Variants in TACR3 observed in about 807,000 individuals in gnomAD.
The protein encoded by TACR3 is tachykinin receptor 3, also known as neuromedin-K receptor.
A neutral mutation model predicts 35.0 loss-of-function variants in TACR3; 34 were observed. The ratio of observed to expected loss-of-function variants is 0.97; its 90% CI spans 0.74 to 1.30. The LOEUF is 1.30. Ranked by LOEUF, TACR3 falls within the 50% of genes most tolerant of loss-of-function variation. The pLI is 0.00. For missense variants in TACR3, 558 were observed against 591.7 expected (o/e 0.94, Z 0.59); for synonymous variants, 233 against 221.1 (o/e 1.05, Z -0.48).
At chr4:103,708,130 G>C (rs972997886) in intron 1 of TACR3, among the ~76,000 whole-genome samples, 2 of 152,238 alleles carry the variant, frequency 1.3e-5, no homozygotes, top group South Asian at 2.1e-4. Context: ...AAATGTCCCT[G>C]TCTGACAGCT....
intron 1 of TACR3, among the ~76,000 whole-genome samples, chr4:103,713,638 A>G (rs1267756033): frequency 6.6e-6 from 1 of 151,902 alleles, no homozygotes; most frequent in African/African-American, 2.4e-5. Context: ...AATAATAAGG[A>G]AAAAAAAGAC....
At chr4:103,666,407 A>C (rs917497964) in intron 1 of TACR3, among the ~76,000 whole-genome samples, 1 of 152,178 alleles carries the variant, frequency 6.6e-6, no homozygotes, top group African/African-American at 2.4e-5. Flanking sequence ...TACAGCATAC[A>C]GGACAGGGAA....
chr4:103,656,182 A>T lies in TACR3; in HGVS notation c.888+12T>A. Reference sequence around the variant, plus strand: ...CCTATACAAATGCTAGGTAAACAACATGGACCAGTACCTTTCTTTTGGCCT... The same window carrying T: ...CCTATACAAATGCTAGGTAAACAACTTGGACCAGTACCTTTCTTTTGGCCT... On this transcript the variant is annotated intron_variant, in intron 3 of 4. Transcript: ENST00000304883. 1 of 1,612,626 alleles carries T rather than the reference A, an allele frequency of 6.2e-7. No individual in the cohort carries two copies. The highest frequency in any genetic ancestry group is 8.5e-7 in the Non-Finnish European group (1 of 1,178,984).
chr4:103,606,022 C>T (rs1724353141), intron 3 of TACR3, among the ~76,000 whole-genome samples: 3 of 151,786 alleles, frequency 2.0e-5, no homozygotes, highest in African/African-American at 7.3e-5. Flanking sequence ...GGAAGGGATC[C>T]AGTTTCAGCT....
At chr4:103,699,927 G>T (rs1200373511) in intron 1 of TACR3, among the ~76,000 whole-genome samples, 10 of 152,172 alleles carry the variant, frequency 6.6e-5, no homozygotes, top group African/African-American at 2.2e-4. Context: ...ACTGACAAGG[G>T]TTTTAAACTA....
chr4:103,637,553 A>G (rs1223696855), intron 3 of TACR3, among the ~76,000 whole-genome samples: 1 of 151,942 alleles, frequency 6.6e-6, no homozygotes, highest in Non-Finnish European at 1.5e-5. Context: ...CTCTCTCACC[A>G]CTCCTATTCA....
chr4:103,706,394 G>A (rs79901121), intron 1 of TACR3, among the ~76,000 whole-genome samples: 17,722 of 152,060 alleles, frequency 0.12, 1,345 homozygotes, highest in East Asian at 0.37. Flanking sequence ...AATAAAACAA[G>A]TCTGTATATC....
intron 1 of TACR3, among the ~76,000 whole-genome samples, chr4:103,685,638 A>G (rs1377660643): frequency 1.3e-5 from 2 of 152,180 alleles, no homozygotes; most frequent in African/African-American, 2.4e-5. Flanking sequence ...CAGAATATAT[A>G]AAGAACTTTA....
At chr4:103,683,830 AAGAGAGAGAAGG>A (rs1219932649) in intron 1 of TACR3, among the ~76,000 whole-genome samples, 1 of 127,676 alleles carries the variant, frequency 7.8e-6, no homozygotes. Flanking sequence ...GAGATGGGAG[AAGAGAGAGAAGG>A]AGAGAGAGAG....
At chr4:103,666,674 A>G (rs1578249421) in intron 1 of TACR3, among the ~76,000 whole-genome samples, 1 of 152,174 alleles carries the variant, frequency 6.6e-6, no homozygotes, top group Non-Finnish European at 1.5e-5. Context: ...ACATGAAACA[A>G]TGCCTACTCA....
intron 1 of TACR3, among the ~76,000 whole-genome samples, chr4:103,712,841 A>G (rs1723002165): frequency 6.6e-6 from 1 of 152,258 alleles, no homozygotes; most frequent in Non-Finnish European, 1.5e-5. Context: ...TCTCAAAAGA[A>G]GACATTTATG....
At chr4:103,685,666 T>C (rs1211342472) in intron 1 of TACR3, among the ~76,000 whole-genome samples, 1 of 152,050 alleles carries the variant, frequency 6.6e-6, no homozygotes, top group East Asian at 1.9e-4. Context: ...CACAATAGAG[T>C]ATACTCTCAG....
rs977997794 is a variant in TACR3 at position 103,661,984 on chromosome 4, C to A, written c.549-3581G>T. Among the ~76,000 whole-genome samples, 7 of 152,122 alleles carry A rather than the reference C, an allele frequency of 4.6e-5. 1 individual carries two copies. The East Asian group carries it at 1.3e-3, about 29-fold the overall frequency. On this transcript the variant is annotated intron_variant, in intron 1 of 4. Transcript: ENST00000304883. ...ATTTGTGAAGCAGACAAATACTAAT[C>A]AAATAATCTCACCAATAAATGTAAA...
chr4:103,678,094 T>G (rs921274600), intron 1 of TACR3, among the ~76,000 whole-genome samples: 2 of 152,072 alleles, frequency 1.3e-5, no homozygotes, highest in Admixed American at 6.6e-5. Context: ...TGGAGAGTAA[T>G]GAGATCTTCT....
At chr4:103,610,085 G>T (rs1447461641) in intron 3 of TACR3, among the ~76,000 whole-genome samples, 1 of 152,066 alleles carries the variant, frequency 6.6e-6, no homozygotes, top group African/African-American at 2.4e-5. Context: ...ATATAGGAGT[G>T]CAGGTATCTC....
intron 1 of TACR3, among the ~76,000 whole-genome samples, chr4:103,678,703 C>T (rs1184971557): frequency 6.6e-6 from 1 of 151,210 alleles, no homozygotes; most frequent in Non-Finnish European, 1.5e-5. Flanking sequence ...AAAGATAAAA[C>T]AGATTAAGTG....
chr4:103,704,215 T>C (rs1722733802), intron 1 of TACR3, among the ~76,000 whole-genome samples: 1 of 149,496 alleles, frequency 6.7e-6, no homozygotes, highest in South Asian at 2.1e-4. Context: ...TAGAATACAA[T>C]AGGCTTCACA....
Position 103,589,456 on chromosome 4 carries a change from T to A in TACR3, c.*226A>T, listed in dbSNP as rs1723842289. On this transcript the variant is annotated 3_prime_UTR_variant, in exon 5 of 5. Transcript: ENST00000304883. ...GTTCATTGCATATAATAATTTAGAGTTTTCAAAGAATAAATTTAAAGCCCA... is the reference window on the plus strand; with the variant it reads ...GTTCATTGCATATAATAATTTAGAGATTTCAAAGAATAAATTTAAAGCCCA... The A allele has an allele frequency of 1.9e-6, 1 of 522,428 alleles. No homozygotes were observed. Among genetic ancestry groups the A allele is most frequent in the Non-Finnish European group, 3.4e-6 (1 of 294,252 alleles). The allele number at this position is 522,428 out of a possible 1,614,324, so 32.4% of individuals were successfully genotyped here.
At chr4:103,680,332 A>T (rs1726263425) in intron 1 of TACR3, among the ~76,000 whole-genome samples, 1 of 151,630 alleles carries the variant, frequency 6.6e-6, no homozygotes, top group African/African-American at 2.4e-5. Flanking sequence ...TATTGAGATA[A>T]GGAGGAATGT....
Sources: allele counts gnomAD v4.1 joint callset (sites outside exome capture counted in the v4.1 genomes callset), GRCh38; gene constraint gnomAD v4.1.1; transcripts MANE v1.5; gene names NCBI Gene and HGNC (gene_info 2026-07-23, HGNC 2026-07-21).